The following GRHL3 variants were observed in gnomAD, a reference collection of about 807,000 sequenced individuals.
GRHL3 encodes the protein grainyhead-like protein 3 homolog.
GRHL3 carries 20 observed loss-of-function variants against 70.3 expected under a neutral mutation model. The observed-to-expected ratio is 0.28, with a 90% CI of 0.20 to 0.41. GRHL3 has a LOEUF of 0.41. GRHL3 is among the 10% of genes least tolerant of loss of function. The probability of loss-of-function intolerance (pLI) is 1.00; values close to 1 mark genes in which losing one functional copy is unlikely to be tolerated. For missense variants in GRHL3, 637 were observed against 762.3 expected (o/e 0.84, Z 1.94); for synonymous variants, 299 against 299.9 (o/e 1.00, Z 0.03).
At position 24,319,479 on chromosome 1, in the gene GRHL3, G is replaced by A; in HGVS notation, c.-73G>A. On this transcript the variant is annotated 5_prime_UTR_variant, in exon 1 of 16. In the 5' UTR this introduces an upstream ATG that the reference lacks. Coordinates refer to ENST00000361548, the MANE Select transcript of GRHL3 (RefSeq NM_198173.3). ...ACACTTTCCCGGGCAGAGAATGTCT[G>A]TGTCAGGCAAGAATTAGAGACAAGC... is the stretch of plus-strand genomic sequence containing the variant. The A allele has an allele frequency of 1.4e-6, 2 of 1,415,166 alleles. No individual in the cohort carries two copies. The highest frequency in any genetic ancestry group is 1.0e-6 in the Non-Finnish European group (1 of 998,976). The allele number at this position is 1,415,166 out of a possible 1,614,324, so 87.7% of individuals were successfully genotyped here.
intron 14 of GRHL3, among the ~76,000 whole-genome samples, chr1:24,348,174 G>A (rs59977924): frequency 2.6e-4 from 39 of 152,310 alleles, no homozygotes; most frequent in African/African-American, 8.4e-4. Context: ...TCAGGCTGGC[G>A]GAGTGAAAAT....
intron 14 of GRHL3, 90 bp downstream of exon 14, chr1:24,347,643 G>C: frequency 1.8e-6 from 2 of 1,090,784 alleles, no homozygotes; most frequent in South Asian, 2.6e-5. Flanking sequence ...TTTCCCACAG[G>C]AGGGAACCTT....
intron 15 of GRHL3, among the ~76,000 whole-genome samples, chr1:24,353,961 C>T (rs1640615965): frequency 6.6e-6 from 1 of 152,166 alleles, no homozygotes; most frequent in Non-Finnish European, 1.5e-5. Context: ...ACATCCTAGC[C>T]TCTTGTTGAA....
downstream of GRHL3, among the ~76,000 whole-genome samples, chr1:24,359,635 G>A (rs1640963344): frequency 6.6e-6 from 1 of 152,266 alleles, no homozygotes; most frequent in South Asian, 2.1e-4. The surrounding 1 kb of genome is among the most constrained non-coding windows in gnomAD (Gnocchi z 5.3). Flanking sequence ...CAAACCTGGG[G>A]CCCAGGTCAT....
At chr1:24,360,357 G>A (rs1010655550) in intron 15 of GRHL3, among the ~76,000 whole-genome samples, 2 of 152,170 alleles carry the variant, frequency 1.3e-5, no homozygotes, top group Admixed American at 6.5e-5. Context: ...GCTGAGGCAT[G>A]AGAATTGCCT....
Position 24,331,420 on chromosome 1 carries a change from A to G in GRHL3, c.18-6A>G, listed in dbSNP as rs377037249. 6 of 1,603,710 alleles carry G rather than the reference A, an allele frequency of 3.7e-6. No individual in the cohort carries two copies. Among genetic ancestry groups the G allele is most frequent in the Admixed American group, 1.7e-5 (1 of 59,340 alleles). ...CCTAAATTTGACTCTCCTTACTTGC[A>G]TTCAGTTTCAGGTCTGTGCGGCTGC... On this transcript the variant is annotated splice_region_variant and splice_polypyrimidine_tract_variant and intron_variant, in intron 1 of 15. Transcript: ENST00000361548.
In GRHL3 at chr1:24,322,539, T is replaced by G. The variant is rs907315759; in HGVS notation, c.17+2971T>G. On this transcript the variant is annotated intron_variant, in intron 1 of 15. Coordinates refer to ENST00000361548, the MANE Select transcript of GRHL3 (RefSeq NM_198173.3). The surrounding 1 kb of genome is among the most constrained non-coding windows in gnomAD (Gnocchi z 4.4). ...TTAAAAGCCCTCTTTGAGTTCGGGC[T>G]GTAAAACTGGCGGACTGGGCCGAGA... is the stretch of plus-strand genomic sequence containing the variant. 6.6e-6 allele frequency among the ~76,000 whole-genome samples: 1 copy of G among 152,240 alleles called. No homozygotes were observed. The highest frequency in any genetic ancestry group is 6.5e-5 in the Admixed American group (1 of 15,284).
intron 14 of GRHL3, among the ~76,000 whole-genome samples, chr1:24,349,173 G>A (rs1203610502): frequency 6.6e-6 from 1 of 152,204 alleles, no homozygotes; most frequent in Non-Finnish European, 1.5e-5. Context: ...CTGCCCCAGA[G>A]GAAACTTCAG....
At chr1:24,336,416 C>A in intron 3 of GRHL3, 66 bp from the exon 4 acceptor site, 1 of 1,082,254 alleles carries the variant, frequency 9.2e-7, no homozygotes, top group East Asian at 2.4e-5. Context: ...TTGCCTTGCA[C>A]TCTAGCCAAA....
intron 1 of GRHL3, among the ~76,000 whole-genome samples, chr1:24,327,330 T>A (rs1639434068): frequency 1.3e-5 from 2 of 152,206 alleles, no homozygotes; most frequent in Non-Finnish European, 2.9e-5. Context: ...GTAAGTTCCA[T>A]GGAAGCAGAG....
In GRHL3 at chr1:24,361,059, C is replaced by T. The variant is rs375583064; in HGVS notation, c.1695-3126C>T. 7.0e-4 allele frequency: 1,110 copies of T among 1,593,420 alleles called. 3 individuals carry two copies. Among genetic ancestry groups the T allele is most frequent in the Middle Eastern group, 4.0e-3 (24 of 5,956 alleles). ...GGTTTTTCCTTTGGGAAAGATAAAA[C>T]GGGAAGATGTCACTAAGGCAGTCTA... On this transcript the variant is annotated intron_variant, in intron 15 of 15. Transcript: ENST00000350501.
intron 3 of GRHL3, among the ~76,000 whole-genome samples, chr1:24,336,059 CAT>C (rs1219693641): frequency 6.6e-6 from 1 of 152,160 alleles, no homozygotes; most frequent in East Asian, 1.9e-4. Flanking sequence ...TTTTCCTAAA[CAT>C]GTGTTAATTG....
At chr1:24,361,093 G>A in intron 15 of GRHL3, 2 of 1,503,488 alleles carry the variant, frequency 1.3e-6, no homozygotes, top group Non-Finnish European at 1.8e-6. Flanking sequence ...TAGTGGGGAA[G>A]GCACAGTTTC....
intron 7 of GRHL3, 120 bp from the exon 8 acceptor site, chr1:24,339,548 G>A: frequency 1.6e-6 from 1 of 607,308 alleles, no homozygotes; most frequent in South Asian, 2.3e-5. Context: ...CAAAGTGCTG[G>A]GATTACAGGC....
At chr1:24,357,919 A>G, downstream of GRHL3, 1 of 325,982 alleles carries the variant, frequency 3.1e-6, no homozygotes, top group East Asian at 7.8e-5. Context: ...ATGATCTCCC[A>G]CTCCAAAGAG....
Position 24,354,440 on chromosome 1 carries a change from C to A in GRHL3, c.1761C>A (p.Asp587Glu). 2 of 1,614,046 alleles carry A rather than the reference C, an allele frequency of 1.2e-6. No individual in the cohort carries two copies. The highest frequency in any genetic ancestry group is 1.7e-6 in the Non-Finnish European group (2 of 1,179,928). The change falls in exon 16 of 16, where the codon GAC becomes GAA. Residue 587 changes from aspartate (D) to glutamate (E), a missense_variant. Transcript: ENST00000361548. ...HYSNHVAFLLDMGELDGKIQI... is the reference protein window; with the variant it reads ...HYSNHVAFLLEMGELDGKIQI... ...GCAACCACGTCGCCTTCCTGCTGGA[C>A]ATGGGGGAGCTGGACGGCAAAATTC...
intron 1 of GRHL3, among the ~76,000 whole-genome samples, chr1:24,329,744 G>A (rs2148650619): frequency 6.6e-6 from 1 of 152,320 alleles, no homozygotes; most frequent in South Asian, 2.1e-4. Context: ...GGGAGATTCT[G>A]CCTGGCCCAT....
At chr1:24,344,485 GAAAAAAAAAA>G (rs57193515) in intron 11 of GRHL3, among the ~76,000 whole-genome samples, 1 of 55,778 alleles carries the variant, frequency 1.8e-5, no homozygotes, top group African/African-American at 6.5e-5. Context: ...TTTCCCCCCA[GAAAAAAAAAA>G]AAAAAAAAAA....
chr1:24,336,810 A>G lies in GRHL3; in HGVS notation c.595A>G (p.Lys199Glu), dbSNP rs777682242. The change falls in exon 4 of 16, where the codon AAA becomes GAA. Residue 199 changes from lysine to glutamate, a missense_variant. Lys to Glu is a moderately conservative substitution (Grantham distance 56, BLOSUM62 1). Transcript: ENST00000361548. ...GCGCTGGCAGCCAGACAGCACCTTC[A>G]AAGATGACCCACAGGAGGTGAGGGC... The part of the protein sequence containing the change: ...TQRWQPDSTF[K>E]DDPQESMLFP... 2.4e-5 allele frequency: 39 copies of G among 1,606,336 alleles called. No individual in the cohort carries two copies. The highest frequency in any genetic ancestry group is 3.1e-5 in the Non-Finnish European group (37 of 1,175,136).
Sources: gnomAD v4.1 joint callset for allele counts (sites outside exome capture counted in the v4.1 genomes callset) on GRCh38, gnomAD v4.1.1 for gene constraint, Gnocchi (gnomAD v3.1) non-coding constraint, MANE v1.5 for transcripts, NCBI Gene and HGNC (gene_info 2026-07-23, HGNC 2026-07-21) for gene names.